TRAPPC9: variants seen among roughly 807,000 people sequenced by gnomAD.
TRAPPC9 encodes IKK2 binding protein.
A neutral mutation model predicts 124.0 loss-of-function variants in TRAPPC9; 83 were observed. That is an observed-to-expected ratio of 0.67 (90% CI 0.56 to 0.80). The LOEUF is 0.80. Ranked by LOEUF, TRAPPC9 falls within the 30% of genes least tolerant of loss-of-function variation. TRAPPC9 has a pLI of 0.00. For missense variants in TRAPPC9, 1,302 were observed against 1,508.3 expected, an observed-to-expected ratio of 0.86 and a Z score of 2.27; for synonymous variants, 638 against 617.5, an observed-to-expected ratio of 1.03 and a Z score of -0.49.
chr8:140,342,141 G>C (rs753093825), intron 9 of TRAPPC9, among the ~76,000 whole-genome samples: 6 of 152,188 alleles, frequency 3.9e-5, no homozygotes, highest in Non-Finnish European at 5.9e-5. Flanking sequence ...AGCAGATGGT[G>C]GGCGGGCAAA....
chr8:139,903,936 G>A (rs986161314), intron 20 of TRAPPC9, among the ~76,000 whole-genome samples: 14 of 152,176 alleles, frequency 9.2e-5, no homozygotes, highest in Admixed American at 6.5e-4. Context: ...CAGCTACCCA[G>A]GAGGCGGAGG....
chr8:140,129,781 T>A (rs1399842357), intron 17 of TRAPPC9, among the ~76,000 whole-genome samples: 3 of 152,040 alleles, frequency 2.0e-5, no homozygotes, highest in Admixed American at 2.0e-4. Context: ...CGGATCGGAA[T>A]TGGAGGGATC....
chr8:140,229,935 C>A (rs1280332895), intron 16 of TRAPPC9, among the ~76,000 whole-genome samples: 1 of 152,178 alleles, frequency 6.6e-6, no homozygotes, highest in Non-Finnish European at 1.5e-5. Context: ...CAGAAAAGGT[C>A]CTTTAAAGTT....
chr8:140,340,613 C>T (rs1422064682), intron 9 of TRAPPC9, among the ~76,000 whole-genome samples: 1 of 152,178 alleles, frequency 6.6e-6, no homozygotes, highest in Non-Finnish European at 1.5e-5. Context: ...GAAAAACAGG[C>T]TTGGTAAAGT....
intron 17 of TRAPPC9, among the ~76,000 whole-genome samples, chr8:140,185,384 C>A (rs552788469): frequency 1.3e-5 from 2 of 152,334 alleles, no homozygotes; most frequent in East Asian, 3.9e-4. Context: ...CCAGGTGCTA[C>A]GCCATCACCA....
chr8:139,919,150 G>A (rs1003651060), intron 19 of TRAPPC9, among the ~76,000 whole-genome samples: 2 of 152,228 alleles, frequency 1.3e-5, no homozygotes, highest in Non-Finnish European at 2.9e-5. Flanking sequence ...ATTCGGGAAG[G>A]GGTGCTGTGC....
chr8:140,433,166 A>C (rs2070708602), intron 4 of TRAPPC9, among the ~76,000 whole-genome samples: 5 of 151,058 alleles, frequency 3.3e-5, no homozygotes, highest in Admixed American at 3.3e-4. Flanking sequence ...GGTAGCACAC[A>C]CTTGTAATCC....
intron 18 of TRAPPC9, among the ~76,000 whole-genome samples, chr8:139,992,119 C>T (rs1186306847): frequency 6.6e-6 from 1 of 152,122 alleles, no homozygotes; most frequent in Non-Finnish European, 1.5e-5. Flanking sequence ...CAATCCCAGT[C>T]ATACACATCA....
At chr8:140,382,692 T>A (rs960264340) in intron 7 of TRAPPC9, among the ~76,000 whole-genome samples, 2 of 152,018 alleles carry the variant, frequency 1.3e-5, no homozygotes, top group Non-Finnish European at 2.9e-5. Context: ...CCAACACAGC[T>A]CAAGGAGGCC....
At chr8:139,746,373 T>C (rs1204198126) in intron 21 of TRAPPC9, among the ~76,000 whole-genome samples, 1 of 152,210 alleles carries the variant, frequency 6.6e-6, no homozygotes, top group Non-Finnish European at 1.5e-5. Context: ...ACCTGGACCG[T>C]AAACACATCC....
rs769398594 is a variant in TRAPPC9 at position 139,910,229 on chromosome 8, G to A, written c.2882C>T (p.Ala961Val). 57 of 1,614,004 alleles carry A rather than the reference G, an allele frequency of 3.5e-5. 1 individual carries two copies. Among genetic ancestry groups the A allele is most frequent in the Admixed American group, 3.0e-4 (18 of 59,966 alleles). The part of the protein sequence containing the change: ...PESPGEKGQF[A>V]NPKQLEEERR... ...CTCTTCCTCCAGCTGCTTGGGGTTTGCAAATTGCCCCTTCTCCCCAGGGGA... is the reference window on the plus strand; with the variant it reads ...CTCTTCCTCCAGCTGCTTGGGGTTTACAAATTGCCCCTTCTCCCCAGGGGA... Residue 961 changes from alanine to valine, a missense_variant, in exon 20 of 23, where the codon GCA (alanine) becomes GTA (valine). Physicochemically the swap from Ala to Val is moderately conservative, Grantham distance 64. Coordinates refer to ENST00000438773, the MANE Select transcript of TRAPPC9 (RefSeq NM_001160372.4).
chr8:140,457,522 C>T, intron 1 of TRAPPC9, 117 bp downstream of exon 1: 1 of 857,336 alleles, frequency 1.2e-6, no homozygotes, highest in Non-Finnish European at 1.4e-6. Context: ...TCCGCCCGGA[C>T]AGGTGAGGGC....
At chr8:140,229,283 G>A (rs2063533481) in intron 16 of TRAPPC9, among the ~76,000 whole-genome samples, 1 of 42,060 alleles carries the variant, frequency 2.4e-5, no homozygotes, top group Non-Finnish European at 4.3e-5. Context: ...TTTTTTTTTT[G>A]AGACACAATC....
At chr8:139,928,444 A>G (rs1049599296) in intron 19 of TRAPPC9, among the ~76,000 whole-genome samples, 1 of 151,976 alleles carries the variant, frequency 6.6e-6, no homozygotes, top group African/African-American at 2.4e-5. Context: ...GTGAGCCAAG[A>G]TGGCGCCACT....
intron 17 of TRAPPC9, among the ~76,000 whole-genome samples, chr8:140,072,761 A>G (rs1843267312): frequency 6.7e-6 from 1 of 149,790 alleles, no homozygotes; most frequent in South Asian, 2.1e-4. Context: ...ACATAAATAT[A>G]TGTGCATATG....
chr8:139,938,461 T>C (rs1833686221), intron 19 of TRAPPC9, among the ~76,000 whole-genome samples: 1 of 151,452 alleles, frequency 6.6e-6, no homozygotes, highest in African/African-American at 2.4e-5. Flanking sequence ...ATATTTTGTA[T>C]TTTTTAGTAG....
intron 19 of TRAPPC9, among the ~76,000 whole-genome samples, chr8:139,926,675 C>A (rs373215614): frequency 6.7e-6 from 1 of 150,222 alleles, no homozygotes; most frequent in Non-Finnish European, 1.5e-5. Flanking sequence ...GCTGAGATTG[C>A]GCCACTGCAC....
chr8:140,425,562 A>C (rs1338342083), intron 5 of TRAPPC9, among the ~76,000 whole-genome samples: 7 of 152,108 alleles, frequency 4.6e-5, no homozygotes, highest in African/African-American at 1.7e-4. Flanking sequence ...TTATAGCTCT[A>C]AGCTACTTCT....
rs2071429020 is a variant in TRAPPC9, at chr8:140,450,865, T to G, written c.509A>C (p.Lys170Thr). 2 of 1,614,036 alleles carry G rather than the reference T, an allele frequency of 1.2e-6. No homozygotes were observed. The highest frequency in any genetic ancestry group is 1.7e-6 in the Non-Finnish European group (2 of 1,179,992). ...GAGAAGGGGGATCTTATCCCCAGAC[T>G]TGTCTGTGGCTCTGTCCAGACGCTT... is the stretch of plus-strand genomic sequence containing the variant. ...ESKRLDRATD[K>T]SGDKIPLLCV... The change falls in exon 2 of 23, where the codon AAG becomes ACG. Residue 170 changes from lysine to threonine, a missense_variant. Lys to Thr is a moderately conservative substitution (Grantham distance 78, BLOSUM62 -1). Transcript: ENST00000438773.
Sources: allele counts gnomAD v4.1 joint callset (sites outside exome capture counted in the v4.1 genomes callset), GRCh38; gene constraint gnomAD v4.1.1; transcripts MANE v1.5; gene names NCBI Gene and HGNC (gene_info 2026-07-23, HGNC 2026-07-21).